SOX6: variants seen among roughly 807,000 people sequenced by gnomAD.
SOX6 encodes the protein transcription factor SOX-6.
SOX6 carries 11 observed loss-of-function variants against 97.8 expected under a neutral mutation model. That is an observed-to-expected ratio of 0.11 (90% CI 0.07 to 0.19). SOX6 has a LOEUF of 0.19. Ranked by LOEUF, SOX6 falls within the 10% of genes least tolerant of loss-of-function variation. The pLI, the probability that SOX6 is intolerant of heterozygous loss-of-function variation, is 1.00. For synonymous variants in SOX6, 360 were observed against 371.4 expected (o/e 0.97, Z 0.35); for missense variants, 810 against 1,039.5 (o/e 0.78, Z 3.04).
intron 3 of SOX6, among the ~76,000 whole-genome samples, chr11:16,307,102 C>G (rs1177680381): frequency 6.6e-6 from 1 of 152,068 alleles, no homozygotes; most frequent in African/African-American, 2.4e-5. Context: ...TCGTCCATGG[C>G]AGAGAAGAGT....
chr11:16,084,798 T>C (rs367735685), intron 9 of SOX6, among the ~76,000 whole-genome samples: 170 of 152,272 alleles, frequency 1.1e-3, no homozygotes, highest in African/African-American at 3.9e-3. Context: ...CATCTTTCTG[T>C]TTCACAGTGG....
At chr11:16,301,183 G>A (rs1284377468) in intron 3 of SOX6, among the ~76,000 whole-genome samples, 1 of 152,116 alleles carries the variant, frequency 6.6e-6, no homozygotes, top group Non-Finnish European at 1.5e-5. Context: ...ATAATAAAAT[G>A]AGAAGGTAAT....
At chr11:16,396,586 G>C (rs1210021145) in intron 1 of SOX6, among the ~76,000 whole-genome samples, 1 of 151,582 alleles carries the variant, frequency 6.6e-6, no homozygotes, top group Non-Finnish European at 1.5e-5. Flanking sequence ...GAATTGCAAT[G>C]TAAGGCAAGT....
chr11:16,435,302 T>C (rs910406341), intron 1 of SOX6, among the ~76,000 whole-genome samples: 4 of 152,168 alleles, frequency 2.6e-5, no homozygotes, highest in Admixed American at 6.6e-5. Context: ...CCTTAGAACA[T>C]ATTTTATATT....
intron 3 of SOX6, among the ~76,000 whole-genome samples, chr11:16,707,565 A>G (rs1340196145): frequency 6.6e-6 from 1 of 152,168 alleles, no homozygotes; most frequent in Non-Finnish European, 1.5e-5. Flanking sequence ...TCAAAGTGTC[A>G]GGCACAAGCT....
chr11:16,714,445 TTC>T (rs1305901260), intron 3 of SOX6, among the ~76,000 whole-genome samples: 5 of 150,938 alleles, frequency 3.3e-5, no homozygotes, highest in South Asian at 2.1e-4. Context: ...TCTTTTAATT[TTC>T]TTTCTTTTTT....
upstream of SOX6, among the ~76,000 whole-genome samples, chr11:16,358,314 T>C (rs922290764): frequency 6.6e-6 from 1 of 152,122 alleles, no homozygotes; most frequent in Admixed American, 6.6e-5. Context: ...CTTTCAAAAT[T>C]ATAGAATGCC....
chr11:16,027,158 T>C (rs922587409), intron 12 of SOX6, among the ~76,000 whole-genome samples: 3 of 152,152 alleles, frequency 2.0e-5, no homozygotes, highest in African/African-American at 7.2e-5. Context: ...TACTCTTCTA[T>C]CTCTTAAAAA....
At chr11:16,441,149 G>T (rs926258874) in intron 1 of SOX6, among the ~76,000 whole-genome samples, 3 of 151,966 alleles carry the variant, frequency 2.0e-5, no homozygotes, top group African/African-American at 7.3e-5. Flanking sequence ...TCTCTCCTCA[G>T]GTACCACCTC....
chr11:16,357,435 T>C (rs1385114539), upstream of SOX6, among the ~76,000 whole-genome samples: 4 of 152,142 alleles, frequency 2.6e-5, no homozygotes, highest in Admixed American at 6.6e-5. Flanking sequence ...CTATTTCTGC[T>C]ATGCGTACGG....
intron 3 of SOX6, among the ~76,000 whole-genome samples, chr11:16,683,217 A>T (rs1030521629): frequency 6.6e-6 from 1 of 152,240 alleles, no homozygotes; most frequent in Non-Finnish European, 1.5e-5. Context: ...CTTTCCTCAC[A>T]GAATTGGAAA....
intron 6 of SOX6, among the ~76,000 whole-genome samples, chr11:16,148,403 A>G (rs1850370815): frequency 6.6e-6 from 1 of 152,150 alleles, no homozygotes; most frequent in Non-Finnish European, 1.5e-5. Context: ...GATTGTTATG[A>G]GTAACTTTAT....
At chr11:16,422,094 A>C (rs1859031084) in intron 1 of SOX6, among the ~76,000 whole-genome samples, 1 of 152,196 alleles carries the variant, frequency 6.6e-6, no homozygotes, top group African/African-American at 2.4e-5. Flanking sequence ...TGCATTACTG[A>C]AATAAGGACA....
intron 6 of SOX6, among the ~76,000 whole-genome samples, chr11:16,178,536 T>C (rs886962480): frequency 1.3e-5 from 2 of 151,914 alleles, no homozygotes; most frequent in African/African-American, 2.4e-5. Flanking sequence ...TGATTGAAGA[T>C]AGAATTACAA....
chr11:16,630,081 A>G (rs1473287727), intron 3 of SOX6, among the ~76,000 whole-genome samples: 2 of 151,900 alleles, frequency 1.3e-5, no homozygotes, highest in Non-Finnish European at 1.5e-5. Flanking sequence ...TTGGGTCTCA[A>G]TTTCATTCAG....
intron 9 of SOX6, among the ~76,000 whole-genome samples, chr11:16,068,152 T>C (rs1456156823): frequency 5.3e-5 from 8 of 152,096 alleles, no homozygotes. Context: ...ATTTATTTGA[T>C]TGATGCTGCC....
At chr11:16,195,930 A>G (rs1243273989) in intron 4 of SOX6, among the ~76,000 whole-genome samples, 2 of 152,174 alleles carry the variant, frequency 1.3e-5, no homozygotes, top group African/African-American at 4.8e-5. Context: ...TATGTGGAGA[A>G]GTCTAGGAAG....
intron 1 of SOX6, among the ~76,000 whole-genome samples, chr11:16,738,200 G>A (rs1321041285): frequency 6.6e-6 from 1 of 151,952 alleles, no homozygotes; most frequent in African/African-American, 2.4e-5. Flanking sequence ...TCCCCTGCGC[G>A]CAATAGAGAA....
intron 6 of SOX6, among the ~76,000 whole-genome samples, chr11:16,151,208 GCAAA>G (rs1850449415): frequency 6.6e-6 from 1 of 152,088 alleles, no homozygotes; most frequent in African/African-American, 2.4e-5. Context: ...TGTTTTGCAA[GCAAA>G]CGATTTTGAG....
Sources: gnomAD v4.1 joint callset for allele counts (sites outside exome capture counted in the v4.1 genomes callset) on GRCh38, gnomAD v4.1.1 for gene constraint, MANE v1.5 for transcripts, NCBI Gene and HGNC (gene_info 2026-07-23, HGNC 2026-07-21) for gene names.